Variants in CNOT6L observed in about 807,000 individuals in gnomAD.
CNOT6L encodes CCR4-NOT transcription complex subunit 6 like, also known as CCR4-NOT transcription complex subunit 6-like.
In CNOT6L, 7 loss-of-function variants were observed where a neutral mutation model predicts 64.0. The observed-to-expected ratio is 0.11, with a 90% CI of 0.06 to 0.21. The LOEUF (loss-of-function observed/expected upper bound fraction) is 0.21, where lower values mean the gene tolerates loss of function less well. CNOT6L is among the 10% of genes least tolerant of loss of function. CNOT6L has a pLI of 1.00. For missense variants in CNOT6L, 245 were observed against 669.0 expected (o/e 0.37, Z 6.99); for synonymous variants, 193 against 243.4 (o/e 0.79, Z 1.93).
At chr4:77,786,858 G>A (rs1462522593) in intron 1 of CNOT6L, among the ~76,000 whole-genome samples, 1 of 152,222 alleles carries the variant, frequency 6.6e-6, no homozygotes, top group Non-Finnish European at 1.5e-5. Flanking sequence ...GAGTCATGGA[G>A]AGATGATGTT....
chr4:77,746,288 A>C (rs1285821802), intron 6 of CNOT6L, among the ~76,000 whole-genome samples: 1 of 152,114 alleles, frequency 6.6e-6, no homozygotes, highest in African/African-American at 2.4e-5. Flanking sequence ...AGAAGTAAAA[A>C]CTACCTAAGT....
chr4:77,800,566 A>G (rs1281671377), intron 1 of CNOT6L, among the ~76,000 whole-genome samples: 1 of 152,214 alleles, frequency 6.6e-6, no homozygotes, highest in Non-Finnish European at 1.5e-5. Flanking sequence ...GAACAATATG[A>G]AAGTCTGAAT....
At chr4:77,730,552 T>A (rs1722334784) in intron 9 of CNOT6L, among the ~76,000 whole-genome samples, 2 of 151,978 alleles carry the variant, frequency 1.3e-5, no homozygotes, top group Admixed American at 1.3e-4. Context: ...TTGGGAAGAA[T>A]AAGATTGTAA....
Position 77,731,538 on chromosome 4 carries a change from T to A in CNOT6L, c.873A>T (p.Lys291Asn). 6.4e-7 allele frequency: 1 copy of A among 1,554,312 alleles called. No homozygotes were observed. The highest frequency in any genetic ancestry group is 8.7e-7 in the Non-Finnish European group (1 of 1,155,802). Residue 291 changes from lysine (K) to asparagine (N), a missense_variant and splice_region_variant, in exon 9 of 12, where the codon AAA becomes AAT. This residue lies in a region of CNOT6L where 94 missense variants were observed against 290.9 expected (regional missense o/e 0.32). Coordinates refer to ENST00000504123, the MANE Select transcript of CNOT6L (RefSeq NM_144571.3). ...DGCAIFFKTEKFTLVQKHTVE... is the reference protein window; with the variant it reads ...DGCAIFFKTENFTLVQKHTVE... ...CTGTATGCTTCTGCACCAATGTAAA[T>A]CTAAAAGGTACATTATTATAATTTT... is the stretch of plus-strand genomic sequence containing the variant.
Position 77,719,377 on chromosome 4 carries a change from T to C in CNOT6L, c.*1054A>G, listed in dbSNP as rs1392582199. The C allele has an allele frequency of 2.0e-5, 3 of 152,634 alleles. No homozygotes were observed. Among genetic ancestry groups the C allele is most frequent in the East Asian group, 1.9e-4 (1 of 5,198 alleles). 9.5% of individuals were successfully genotyped at this position (152,634 alleles called of 1,614,324 possible). The stretch of plus-strand genomic sequence containing the variant: ...ACTACTGCCCCAAATTTGTTCTCTC[T>C]CCCAAATCCTTTGCACTGTCATCTC... On this transcript the variant is annotated 3_prime_UTR_variant, in exon 12 of 12. Transcript: ENST00000504123.
intron 1 of CNOT6L, chr4:77,819,050 A>ACC: frequency 2.1e-6 from 1 of 465,894 alleles, no homozygotes; most frequent in African/African-American, 5.4e-5. Context: ...GCCACCCCCG[A>ACC]CACACACACA....
At chr4:77,813,325 AATAGAT>A (rs1214265189) in intron 1 of CNOT6L, among the ~76,000 whole-genome samples, 3 of 151,522 alleles carry the variant, frequency 2.0e-5, no homozygotes, top group African/African-American at 7.3e-5. Context: ...ATAGATTAGA[AATAGAT>A]ATATTAGATA....
At chr4:77,791,850 A>G (rs1463534258) in intron 1 of CNOT6L, among the ~76,000 whole-genome samples, 2 of 152,202 alleles carry the variant, frequency 1.3e-5, no homozygotes, top group African/African-American at 4.8e-5. Flanking sequence ...GAAACACTGC[A>G]TGTTCTTAAT....
At chr4:77,749,099 T>C (rs1214725465) in intron 5 of CNOT6L, among the ~76,000 whole-genome samples, 1 of 152,186 alleles carries the variant, frequency 6.6e-6, no homozygotes, top group East Asian at 1.9e-4. Context: ...CTGAGAAATG[T>C]ATTCCCTTAA....
chr4:77,814,772 A>C (rs988273354), intron 1 of CNOT6L, among the ~76,000 whole-genome samples: 19 of 152,190 alleles, frequency 1.2e-4, no homozygotes, highest in Non-Finnish European at 1.5e-5. Context: ...AATAAAAAAT[A>C]AGTAAAGGTG....
intron 1 of CNOT6L, among the ~76,000 whole-genome samples, chr4:77,809,278 A>AG (rs918980837): frequency 6.6e-6 from 1 of 152,190 alleles, no homozygotes; most frequent in Non-Finnish European, 1.5e-5. Context: ...AAAGGGAAGG[A>AG]GGGGAGTGGC....
chr4:77,784,147 G>A (rs1177891757), intron 1 of CNOT6L, among the ~76,000 whole-genome samples: 1 of 152,030 alleles, frequency 6.6e-6, no homozygotes, highest in Non-Finnish European at 1.5e-5. Flanking sequence ...AGTACTACCA[G>A]GAGGAAATAA....
rs2109883929 is a variant in CNOT6L at position 77,729,148 on chromosome 4, A to G, written c.1025-67T>C. 3.3e-6 allele frequency: 4 copies of G among 1,198,432 alleles called. No individual in the cohort carries two copies. The East Asian group carries it at 9.3e-5, about 28-fold the overall frequency. 74.2% of individuals were successfully genotyped at this position (1,198,432 alleles called of 1,614,324 possible). A position where few individuals can be genotyped will look rare whatever the true frequency, so the allele number is the denominator to read the frequency against. ...ATGTTTGAAGAAATGTGGCATCCTC[A>G]GGTTTTCTCAATATGATCCACAGCT... is the stretch of plus-strand genomic sequence containing the variant. On this transcript the variant is annotated intron_variant, in intron 9 of 11. Coordinates refer to ENST00000504123, the MANE Select transcript of CNOT6L (RefSeq NM_144571.3).
At position 77,791,362 on chromosome 4, in the gene CNOT6L, A is replaced by G. The variant is rs559113690; in HGVS notation, c.6-14970T>C. Among the ~76,000 whole-genome samples, 90 of 152,300 alleles carry G rather than the reference A, an allele frequency of 5.9e-4. No individual in the cohort carries two copies. In the South Asian group the frequency reaches 9.5e-3, roughly 16 times the overall value. Reference sequence around the variant, plus strand: ...ATGTTATCAACATTGAGAAAGCTATATATTACCTAAAGATATCTGCAAACT... The same window carrying G: ...ATGTTATCAACATTGAGAAAGCTATGTATTACCTAAAGATATCTGCAAACT... On this transcript the variant is annotated intron_variant, in intron 1 of 11. Transcript: ENST00000504123.
intron 5 of CNOT6L, among the ~76,000 whole-genome samples, chr4:77,750,501 A>G (rs1253978507): frequency 6.6e-6 from 1 of 151,820 alleles, no homozygotes; most frequent in Non-Finnish European, 1.5e-5. Context: ...ACTGGCGCCC[A>G]CCACCACACC....
At chr4:77,759,544 G>A (rs544502005) in intron 4 of CNOT6L, among the ~76,000 whole-genome samples, 12 of 150,374 alleles carry the variant, frequency 8.0e-5, no homozygotes, top group African/African-American at 2.4e-4. Context: ...CAGCCTGGGC[G>A]ACACAGCGTG....
chr4:77,733,186 C>A (rs1411838957), intron 8 of CNOT6L, among the ~76,000 whole-genome samples: 1 of 152,038 alleles, frequency 6.6e-6, no homozygotes, highest in Non-Finnish European at 1.5e-5. Context: ...AACAAGCAAC[C>A]TATTTTGATG....
At chr4:77,804,904 T>C (rs1411591410) in intron 1 of CNOT6L, among the ~76,000 whole-genome samples, 6 of 152,220 alleles carry the variant, frequency 3.9e-5, no homozygotes, top group African/African-American at 1.4e-4. Flanking sequence ...TTTGTGGTTA[T>C]GTAAGTATAT....
chr4:77,819,074 A>ACACACACACACACACACACACC (rs368900394), intron 1 of CNOT6L: 12 of 720,354 alleles, frequency 1.7e-5, no homozygotes, highest in Non-Finnish European at 2.4e-5. Context: ...ACACACACAC[A>ACACACACACACACACACACACC]CCCCGGAACC....
Sources: allele counts gnomAD v4.1 joint callset (sites outside exome capture counted in the v4.1 genomes callset), GRCh38; gene constraint gnomAD v4.1.1; regional missense constraint gnomAD v4.1.1; transcripts MANE v1.5; gene names NCBI Gene and HGNC (gene_info 2026-07-23, HGNC 2026-07-21).